Variants in FBXL20 observed in about 807,000 individuals in gnomAD.
FBXL20 encodes F-box/LRR-repeat protein 20.
A neutral mutation model predicts 64.0 loss-of-function variants in FBXL20; 11 were observed. That is an observed-to-expected ratio of 0.17 (90% confidence interval 0.11 to 0.28). The LOEUF (loss-of-function observed/expected upper bound fraction) is 0.28, where lower values mean the gene tolerates loss of function less well. FBXL20 is among the 10% of genes least tolerant of loss of function. FBXL20 has a pLI of 1.00. For synonymous variants in FBXL20, 184 were observed against 189.0 expected (o/e 0.97, Z 0.22); for missense variants, 303 against 526.2 (o/e 0.58, Z 4.15).
At position 39,254,903 on chromosome 17, in the gene FBXL20, G is replaced by C. The variant is rs2046681101; in HGVS notation, c.*6557C>G. The stretch of plus-strand genomic sequence containing the variant: ...ACCACCCTGGCTGAGGAAGCACTGA[G>C]ACTCAACCTCTATAAACTGAACTTC... On this transcript the variant is annotated 3_prime_UTR_variant, in exon 15 of 15. Coordinates refer to ENST00000264658, the MANE Select transcript of FBXL20 (RefSeq NM_032875.3). The C allele has an allele frequency of 6.6e-6, 1 of 152,636 alleles. No homozygotes were observed. Among genetic ancestry groups the C allele is most frequent in the Non-Finnish European group, 1.5e-5 (1 of 68,224 alleles). The allele number at this position is 152,636 out of a possible 1,614,324, so 9.5% of individuals were successfully genotyped here.
chr17:39,315,252 T>C (rs1348683385), intron 2 of FBXL20, among the ~76,000 whole-genome samples: 2 of 151,932 alleles, frequency 1.3e-5, no homozygotes, highest in African/African-American at 4.8e-5. Context: ...GGTACCCCAT[T>C]GTTGTTATGA....
intron 8 of FBXL20, among the ~76,000 whole-genome samples, chr17:39,282,527 A>G (rs116522643): frequency 2.8e-4 from 43 of 152,240 alleles, no homozygotes; most frequent in African/African-American, 9.9e-4. Context: ...CTCCTCCTCA[A>G]GTTTATTTTT....
At chr17:39,289,507 A>C (rs2047018138) in intron 6 of FBXL20, among the ~76,000 whole-genome samples, 1 of 151,922 alleles carries the variant, frequency 6.6e-6, no homozygotes, top group Non-Finnish European at 1.5e-5. Context: ...AAATAGAAAA[A>C]TTAGCCAGGC....
In FBXL20 at chr17:39,275,024, G is replaced by C. The variant is rs1486636458; in HGVS notation, c.773C>G (p.Ser258Cys). The change falls in exon 10 of 15, where the codon TCC becomes TGC. Residue 258 changes from serine to cysteine, a missense_variant. Transcript: ENST00000264658. Reference protein sequence around the residue: ...KLQSLCASGCSNITDAILNAL... With the variant: ...KLQSLCASGCCNITDAILNAL... ...ATTCAGGATGGCATCTGTGATGTTG[G>C]AGCAGCCAGAGGCACAAAGGGATTG... is the stretch of plus-strand genomic sequence containing the variant. 2.5e-6 allele frequency: 4 copies of C among 1,614,050 alleles called. No homozygotes were observed. The highest frequency in any genetic ancestry group is 3.4e-6 in the Non-Finnish European group (4 of 1,180,010).
chr17:39,336,043 G>A (rs145306849), intron 2 of FBXL20, among the ~76,000 whole-genome samples: 181 of 151,998 alleles, frequency 1.2e-3, no homozygotes, highest in African/African-American at 4.0e-3. Context: ...AATCGTTTAG[G>A]CCCAGGAGTT....
At chr17:39,330,940 A>G (rs1187241047) in intron 2 of FBXL20, among the ~76,000 whole-genome samples, 1 of 152,228 alleles carries the variant, frequency 6.6e-6, no homozygotes, top group Non-Finnish European at 1.5e-5. Flanking sequence ...AGCCTTTAAA[A>G]ATAAAATCCT....
At chr17:39,350,289 G>C (rs1360558240) in intron 1 of FBXL20, among the ~76,000 whole-genome samples, 2 of 152,056 alleles carry the variant, frequency 1.3e-5, no homozygotes, top group African/African-American at 4.8e-5. Flanking sequence ...CTGGGAGATC[G>C]AGACCAGCTG....
chr17:39,387,042 C>A (rs1210077575), intron 1 of FBXL20, among the ~76,000 whole-genome samples: 1 of 152,146 alleles, frequency 6.6e-6, no homozygotes, highest in East Asian at 1.9e-4. Context: ...GATTTTTTGA[C>A]GTTACAATGG....
At chr17:39,270,225 C>A (rs1000185593) in intron 11 of FBXL20, among the ~76,000 whole-genome samples, 15 of 152,124 alleles carry the variant, frequency 9.9e-5, no homozygotes, top group African/African-American at 3.1e-4. Flanking sequence ...CCTGCTTAAT[C>A]TATTAGCTTA....
chr17:39,324,094 A>C (rs2047386256), intron 2 of FBXL20, among the ~76,000 whole-genome samples: 1 of 133,022 alleles, frequency 7.5e-6, no homozygotes, highest in Non-Finnish European at 1.5e-5. Flanking sequence ...TTCTGTTTTC[A>C]AATGAAGGCA....
intron 11 of FBXL20, among the ~76,000 whole-genome samples, chr17:39,269,812 C>T (rs1286345706): frequency 1.3e-5 from 2 of 152,008 alleles, no homozygotes; most frequent in African/African-American, 4.8e-5. Flanking sequence ...GTATTTCTTA[C>T]AGAGATGAAA....
rs1189286117 is a variant in FBXL20, at chr17:39,259,935, G to C, written c.*1525C>G. The C allele has an allele frequency of 7.1e-6, 1 of 140,520 alleles. No individual in the cohort carries two copies. Among genetic ancestry groups the C allele is most frequent in the Non-Finnish European group, 1.5e-5 (1 of 66,706 alleles). The allele number at this position is 140,520 out of a possible 1,614,324, so 8.7% of individuals were successfully genotyped here. On this transcript the variant is annotated 3_prime_UTR_variant, in exon 15 of 15. Transcript: ENST00000264658. ...GGAAGTGGAGGTTGCGGTGAGCCGA[G>C]ATCGCACCACTGCACTCCAGTCTGG... is the stretch of plus-strand genomic sequence containing the variant.
intron 13 of FBXL20, among the ~76,000 whole-genome samples, chr17:39,265,159 A>C (rs1051136151): frequency 3.9e-5 from 6 of 152,238 alleles, no homozygotes; most frequent in African/African-American, 1.4e-4. Flanking sequence ...AAGAGAACTC[A>C]TATGTTCCAA....
At chr17:39,372,746 G>A (rs1315057932) in intron 1 of FBXL20, among the ~76,000 whole-genome samples, 3 of 150,728 alleles carry the variant, frequency 2.0e-5, no homozygotes, top group African/African-American at 7.3e-5. Context: ...CTCCCAAGTA[G>A]CTGGCACTAG....
intron 2 of FBXL20, among the ~76,000 whole-genome samples, chr17:39,309,723 C>T (rs1406120452): frequency 2.7e-5 from 4 of 147,580 alleles, no homozygotes; most frequent in Admixed American, 6.9e-5. Flanking sequence ...ACCTGCGAGG[C>T]GCAGGTTGCA....
rs774722816 is a variant in FBXL20, at chr17:39,281,393, C to G, written c.692G>C (p.Cys231Ser). 1 of 1,613,572 alleles carries G rather than the reference C, an allele frequency of 6.2e-7. No homozygotes were observed. The highest frequency in any genetic ancestry group is 8.5e-7 in the Non-Finnish European group (1 of 1,179,746). The change falls in exon 9 of 15, where the codon TGC becomes TCC. Residue 231 changes from cysteine (C) to serine (S), a missense_variant. Physicochemically the swap from Cys to Ser is moderately radical, Grantham distance 112. Around this residue, in one of 3 missense-constraint regions of FBXL20, gnomAD observed 246 missense variants for 422.6 expected, o/e 0.58. Transcript: ENST00000264658. ...GTTGTGAGAAGGGATGTTTACCAAG[C>G]AAGTCTGCAAGTTCAAAGTCACCAG... ...PELVTLNLQT[C>S]LQITDEGLIT...
At chr17:39,380,007 T>C (rs143617396) in intron 1 of FBXL20, among the ~76,000 whole-genome samples, 1 of 151,854 alleles carries the variant, frequency 6.6e-6, no homozygotes, top group African/African-American at 2.4e-5. Context: ...TAAATATATA[T>C]ATATAAGTTC....
Position 39,334,089 on chromosome 17 carries a change from A to T in FBXL20, c.104+9091T>A, listed in dbSNP as rs903718117. On this transcript the variant is annotated intron_variant, in intron 2 of 14. Coordinates refer to ENST00000264658, the MANE Select transcript of FBXL20 (RefSeq NM_032875.3). ...ATTGTTGCTGTGTCTGTGTAGAAAG[A>T]AGTAGACATAGGAGACTCCATTTTG... is the stretch of plus-strand genomic sequence containing the variant. 2.0e-5 allele frequency among the ~76,000 whole-genome samples: 3 copies of T among 152,224 alleles called. No individual in the cohort carries two copies. The South Asian group carries it at 6.2e-4, about 31-fold the overall frequency.
chr17:39,376,695 C>A (rs2047970353), intron 1 of FBXL20, among the ~76,000 whole-genome samples: 1 of 152,182 alleles, frequency 6.6e-6, no homozygotes, highest in Non-Finnish European at 1.5e-5. Context: ...TTTGTACAGT[C>A]ATTAGCTGAC....
Sources: gnomAD v4.1 joint callset for allele counts (sites outside exome capture counted in the v4.1 genomes callset) on GRCh38, gnomAD v4.1.1 for gene constraint, gnomAD v4.1.1 regional missense constraint, MANE v1.5 for transcripts, NCBI Gene and HGNC (gene_info 2026-07-23, HGNC 2026-07-21) for gene names.